Variants in ARHGAP15 observed in about 807,000 individuals in gnomAD.
ARHGAP15 encodes the protein rho GTPase-activating protein 15.
ARHGAP15 carries 51 observed loss-of-function variants against 63.7 expected under a neutral mutation model. That is an observed-to-expected ratio of 0.80 (90% CI 0.64 to 1.01). ARHGAP15 has a LOEUF of 1.01. Among genes scored for constraint, ARHGAP15 ranks in the 50% least tolerant of loss-of-function variants. ARHGAP15 has a pLI of 0.00. For synonymous variants in ARHGAP15, 191 were observed against 193.8 expected, an observed-to-expected ratio of 0.99 and a Z score of 0.12; for missense variants, 560 against 564.6, an observed-to-expected ratio of 0.99 and a Z score of 0.08.
chr2:143,530,461 C>A (rs779537418), intron 10 of ARHGAP15, among the ~76,000 whole-genome samples: 16 of 152,106 alleles, frequency 1.1e-4, no homozygotes, highest in Non-Finnish European at 1.9e-4. Flanking sequence ...CTGAGGGATT[C>A]GACTAACTAA....
At chr2:143,561,867 G>A (rs1314861400) in intron 11 of ARHGAP15, among the ~76,000 whole-genome samples, 1 of 152,128 alleles carries the variant, frequency 6.6e-6, no homozygotes, top group East Asian at 1.9e-4. Flanking sequence ...TTCTCTACTT[G>A]TGCAAACAAG....
chr2:143,408,163 A>G (rs960817180), intron 6 of ARHGAP15, among the ~76,000 whole-genome samples: 6 of 149,170 alleles, frequency 4.0e-5, no homozygotes, highest in Non-Finnish European at 9.0e-5. Context: ...TCAATTTCAA[A>G]CTATTTAATC....
At chr2:143,711,838 A>AAGAT (rs964429614) in intron 13 of ARHGAP15, among the ~76,000 whole-genome samples, 2 of 152,196 alleles carry the variant, frequency 1.3e-5, no homozygotes, top group African/African-American at 4.8e-5. Flanking sequence ...CTGAGACAGG[A>AAGAT]AGATCACTTG....
At chr2:143,205,599 C>A (rs570811663) in intron 3 of ARHGAP15, among the ~76,000 whole-genome samples, 199 of 152,182 alleles carry the variant, frequency 1.3e-3, no homozygotes, top group African/African-American at 4.7e-3. Context: ...ATGCTTGTAA[C>A]CTTTCTCTCC....
intron 13 of ARHGAP15, chr2:143,741,248 A>G (rs1486720106): frequency 6.6e-6 from 1 of 152,200 alleles, no homozygotes; most frequent in Non-Finnish European, 1.5e-5. Flanking sequence ...GAGCAAAATA[A>G]AGCTGACCTA....
At position 143,414,220 on chromosome 2, in the gene ARHGAP15, A is replaced by G. The variant is rs375806336; in HGVS notation, c.475-21381A>G. Among the ~76,000 whole-genome samples, 4 of 151,792 alleles carry G rather than the reference A, an allele frequency of 2.6e-5. No homozygotes were observed. In the East Asian group the frequency reaches 7.7e-4, roughly 29 times the overall value. ...AATTTAATAAAGATAAAAGCCAAAA[A>G]CGAAATGATGAGGCAGCAAACTAAA... On this transcript the variant is annotated intron_variant, in intron 6 of 13. Coordinates refer to ENST00000295095, the MANE Select transcript of ARHGAP15 (RefSeq NM_018460.4).
Position 143,390,731 on chromosome 2 carries a change from G to GCA in ARHGAP15, c.475-44836_475-44835dup, listed in dbSNP as rs3071055. Among the ~76,000 whole-genome samples the GCA allele has an allele frequency of 5.4e-3, 804 of 147,582 alleles. 1 individual carries two copies. Among genetic ancestry groups the GCA allele is most frequent in the African/African-American group, 0.019 (740 of 39,790 alleles). On this transcript the variant is annotated intron_variant, in intron 6 of 13. Transcript: ENST00000295095. ...CCAAGTACACCCTTGGAAAACACAT[G>GCA]CACACACACACACACACACACACAC...
At chr2:143,310,857 CT>C (rs1464133106) in intron 6 of ARHGAP15, among the ~76,000 whole-genome samples, 4 of 151,864 alleles carry the variant, frequency 2.6e-5, no homozygotes, top group Non-Finnish European at 5.9e-5. Flanking sequence ...AATTTTTAGA[CT>C]GAGGATATAG....
intron 2 of ARHGAP15, among the ~76,000 whole-genome samples, chr2:143,160,421 C>T (rs1420047226): frequency 6.6e-6 from 1 of 151,930 alleles, no homozygotes; most frequent in African/African-American, 2.4e-5. Flanking sequence ...GAGTGAGACT[C>T]TCCAAAGATC....
chr2:143,365,303 A>G (rs1404029097), intron 6 of ARHGAP15, among the ~76,000 whole-genome samples: 1 of 152,200 alleles, frequency 6.6e-6, no homozygotes, highest in Non-Finnish European at 1.5e-5. Flanking sequence ...AACCTGAGCC[A>G]TCTATTAGGA....
chr2:143,345,563 AT>A lies in ARHGAP15; in HGVS notation c.475-90029del, dbSNP rs533697934. ...GATAAATTACAGGGAATCTGTCTGTATTTTTTTTTAACGCTTTTGGCACTAA... is the reference window on the plus strand; with the variant it reads ...GATAAATTACAGGGAATCTGTCTGTATTTTTTTTAACGCTTTTGGCACTAA... On this transcript the variant is annotated intron_variant, in intron 6 of 13. Coordinates refer to ENST00000295095, the MANE Select transcript of ARHGAP15 (RefSeq NM_018460.4). Among the ~76,000 whole-genome samples the A allele has an allele frequency of 1.9e-3, 287 of 151,410 alleles. 2 individuals are homozygous for A. Among genetic ancestry groups the A allele is most frequent in the Admixed American group, 0.017 (261 of 15,168 alleles).
intron 13 of ARHGAP15, among the ~76,000 whole-genome samples, chr2:143,763,627 T>TAAATTGCATATATATGC (rs537723694): frequency 2.7e-5 from 4 of 150,344 alleles, no homozygotes; most frequent in South Asian, 2.1e-4. Flanking sequence ...ATATAAATAA[T>TAAATTGCATATATATGC]AAATTGCATA....
At chr2:143,442,781 C>A (rs1161490962) in intron 8 of ARHGAP15, among the ~76,000 whole-genome samples, 1 of 151,754 alleles carries the variant, frequency 6.6e-6, no homozygotes, top group East Asian at 1.9e-4. Context: ...TTGAAAAGTT[C>A]TCCAGTTAAA....
chr2:143,403,699 A>G (rs1447584470), intron 6 of ARHGAP15, among the ~76,000 whole-genome samples: 1 of 151,912 alleles, frequency 6.6e-6, no homozygotes, highest in Non-Finnish European at 1.5e-5. Context: ...TTCAGCAGTC[A>G]AGGGAAGAGT....
chr2:143,291,118 C>T (rs1400128497), intron 6 of ARHGAP15, among the ~76,000 whole-genome samples: 2 of 152,128 alleles, frequency 1.3e-5, no homozygotes, highest in East Asian at 1.9e-4. Flanking sequence ...GAGCAACAGA[C>T]TGTTTCAAAC....
At chr2:143,242,868 A>G (rs1693914982) in intron 5 of ARHGAP15, among the ~76,000 whole-genome samples, 1 of 152,210 alleles carries the variant, frequency 6.6e-6, no homozygotes, top group Non-Finnish European at 1.5e-5. Flanking sequence ...GATTTTCCAG[A>G]ATCAAAACCA....
rs149203976 is a variant in ARHGAP15 at position 143,650,378 on chromosome 2, C to A, written c.1138+26111C>A. On this transcript the variant is annotated intron_variant, in intron 12 of 13. Transcript: ENST00000295095. ...CCACCACATCAAACAAGTCACGTGT[C>A]CGCTCAGATCTGTAGTTTGCTTCTT... 2.0e-5 allele frequency among the ~76,000 whole-genome samples: 3 copies of A among 151,986 alleles called. No homozygotes were observed. The East Asian group carries it at 5.8e-4, about 29-fold the overall frequency.
At chr2:143,716,674 C>A (rs936455452) in intron 13 of ARHGAP15, among the ~76,000 whole-genome samples, 3 of 152,176 alleles carry the variant, frequency 2.0e-5, no homozygotes, top group Non-Finnish European at 4.4e-5. Flanking sequence ...AAAAATCAAG[C>A]AGACCTCAAG....
At chr2:143,170,562 C>T (rs1424803544) in intron 2 of ARHGAP15, among the ~76,000 whole-genome samples, 3 of 152,090 alleles carry the variant, frequency 2.0e-5, no homozygotes, top group Non-Finnish European at 4.4e-5. Flanking sequence ...CTCCCTACTG[C>T]ATGCATTTGT....
Sources: gnomAD v4.1 joint callset for allele counts (sites outside exome capture counted in the v4.1 genomes callset) on GRCh38, gnomAD v4.1.1 for gene constraint, MANE v1.5 for transcripts, NCBI Gene and HGNC (gene_info 2026-07-23, HGNC 2026-07-21) for gene names.